Variants in EZR observed in about 807,000 individuals in gnomAD.
EZR encodes the protein ezrin.
In EZR, 40 loss-of-function variants were observed where a neutral mutation model predicts 74.8. The ratio of observed to expected loss-of-function variants is 0.53; its 90% CI spans 0.42 to 0.70. The LOEUF (loss-of-function observed/expected upper bound fraction) is 0.70, where lower values mean the gene tolerates loss of function less well. Ranked by LOEUF, EZR falls within the 30% of genes least tolerant of loss-of-function variation. EZR has a pLI of 0.00. For synonymous variants in EZR, 341 were observed against 283.3 expected, an observed-to-expected ratio of 1.20 and a Z score of -2.05; for missense variants, 678 against 755.8, an observed-to-expected ratio of 0.90 and a Z score of 1.21.
At chr6:158,774,360 G>A (rs900999229) in intron 8 of EZR, among the ~76,000 whole-genome samples, 27 of 152,062 alleles carry the variant, frequency 1.8e-4, no homozygotes, top group East Asian at 3.9e-4. Flanking sequence ...CTTCTGATCC[G>A]GCTTAGTTTT....
At chr6:158,812,944 C>T (rs1171508378) in intron 2 of EZR, among the ~76,000 whole-genome samples, 3 of 152,198 alleles carry the variant, frequency 2.0e-5, no homozygotes, top group Non-Finnish European at 4.4e-5. Flanking sequence ...CCACCTTGGT[C>T]CAAGCTATGA....
intron 8 of EZR, among the ~76,000 whole-genome samples, chr6:158,771,826 A>G (rs1224149898): frequency 6.6e-6 from 1 of 152,120 alleles, no homozygotes; most frequent in Non-Finnish European, 1.5e-5. Context: ...ACCTTTCATG[A>G]TGTCCTCTCC....
At chr6:158,818,325 G>C (rs2128578841) in intron 1 of EZR, 159 bp from the exon 2 acceptor site, 1 of 269,304 alleles carries the variant, frequency 3.7e-6, no homozygotes, top group African/African-American at 2.3e-5. Context: ...ATGGGGAGGG[G>C]GCACGGGCGG....
chr6:158,767,880 G>A (rs1200301319), intron 12 of EZR, among the ~76,000 whole-genome samples: 4 of 152,124 alleles, frequency 2.6e-5, no homozygotes, highest in Non-Finnish European at 5.9e-5. Flanking sequence ...CTCGCCACTT[G>A]CAGTCCTTCC....
chr6:158,770,815 ACTC>A lies in EZR; in HGVS notation c.1036_1038del (p.Glu346del), dbSNP rs775192844. 1 of 1,612,876 alleles carries A rather than the reference ACTC, an allele frequency of 6.2e-7. No homozygotes were observed. Among genetic ancestry groups the A allele is most frequent in the Non-Finnish European group, 8.5e-7 (1 of 1,179,658 alleles). On this transcript the variant is annotated inframe_deletion, in exon 10 of 14. Transcript: ENST00000367075. ...TCATAGTCCTGCAGCCGCAGCATCAACTCCTCCTTCTCGCGCATCATCTGCTCT... is the reference window on the plus strand; with the variant it reads ...TCATAGTCCTGCAGCCGCAGCATCAACTCCTTCTCGCGCATCATCTGCTCT...
chr6:158,774,366 G>A (rs1791205820), intron 8 of EZR, among the ~76,000 whole-genome samples: 1 of 152,126 alleles, frequency 6.6e-6, no homozygotes. Context: ...ATCCGGCTTA[G>A]TTTTTAATCA....
intron 2 of EZR, among the ~76,000 whole-genome samples, chr6:158,797,636 G>A (rs1346082437): frequency 6.6e-6 from 1 of 152,204 alleles, no homozygotes; most frequent in Non-Finnish European, 1.5e-5. Flanking sequence ...ACTTAGAAAT[G>A]CTCTGATAGA....
At chr6:158,803,286 C>T (rs1777227791) in intron 2 of EZR, among the ~76,000 whole-genome samples, 2 of 151,310 alleles carry the variant, frequency 1.3e-5, no homozygotes, top group South Asian at 4.2e-4. Context: ...TGAAGTATAA[C>T]TGGTAGAGTG....
chr6:158,818,196 C>T (rs963935935), intron 1 of EZR, 30 bp from the exon 2 acceptor site: 27 of 1,298,276 alleles, frequency 2.1e-5, no homozygotes, highest in Non-Finnish European at 2.7e-5. Flanking sequence ...CTTAGAGCGC[C>T]CGCCCGCCCT....
At chr6:158,818,237 G>C in intron 1 of EZR, 71 bp from the exon 2 acceptor site, 1 of 790,912 alleles carries the variant, frequency 1.3e-6, no homozygotes, top group South Asian at 2.0e-5. Context: ...CCGACACTCG[G>C]CGCCCGCAGC....
chr6:158,814,894 G>A (rs1359494255), intron 2 of EZR, among the ~76,000 whole-genome samples: 1 of 152,106 alleles, frequency 6.6e-6, no homozygotes, highest in Non-Finnish European at 1.5e-5. Flanking sequence ...AGAAAACACA[G>A]GAAATGAGTA....
chr6:158,818,462 C>G, intron 1 of EZR, among the ~76,000 whole-genome samples: 1 of 149,952 alleles, frequency 6.7e-6, no homozygotes, highest in East Asian at 2.0e-4. Context: ...GGGTGCGCAC[C>G]CAGGGGACCC....
chr6:158,818,639 G>T (rs1036897640), intron 1 of EZR, among the ~76,000 whole-genome samples: 1 of 150,196 alleles, frequency 6.7e-6, no homozygotes, highest in African/African-American at 2.5e-5. Flanking sequence ...GGGGACACTC[G>T]AGGTGCACCC....
intron 2 of EZR, among the ~76,000 whole-genome samples, chr6:158,793,478 C>G (rs1344409265): frequency 6.6e-6 from 1 of 152,078 alleles, no homozygotes; most frequent in Non-Finnish European, 1.5e-5. Context: ...AGAAGATACT[C>G]AAAATCTAAA....
At chr6:158,784,018 T>A (rs192935404) in intron 6 of EZR, among the ~76,000 whole-genome samples, 2 of 152,236 alleles carry the variant, frequency 1.3e-5, no homozygotes, top group Non-Finnish European at 2.9e-5. Flanking sequence ...ACCCTCCTCA[T>A]AGGCTTTGAG....
intron 12 of EZR, among the ~76,000 whole-genome samples, chr6:158,767,841 T>G (rs551970504): frequency 6.6e-6 from 1 of 152,148 alleles, no homozygotes. Context: ...CCTCCCTTCA[T>G]GCCACAGTCA....
chr6:158,778,810 C>T (rs1398452579), intron 7 of EZR, among the ~76,000 whole-genome samples: 1 of 152,230 alleles, frequency 6.6e-6, no homozygotes, highest in African/African-American at 2.4e-5. Context: ...AAGATACATA[C>T]TCATAGATCA....
chr6:158,770,370 G>C (rs1210442519), intron 10 of EZR, among the ~76,000 whole-genome samples: 3 of 152,270 alleles, frequency 2.0e-5, no homozygotes, highest in Non-Finnish European at 4.4e-5. Context: ...AGCTGTGCTG[G>C]GAAGTCTGGC....
intron 8 of EZR, 120 bp downstream of exon 8, chr6:158,776,288 G>GT: frequency 1.2e-6 from 1 of 823,688 alleles, no homozygotes; most frequent in South Asian, 1.5e-5. Flanking sequence ...GGCCCTCAAT[G>GT]TAACCTCATG....
Sources: allele counts gnomAD v4.1 joint callset (sites outside exome capture counted in the v4.1 genomes callset), GRCh38; gene constraint gnomAD v4.1.1; transcripts MANE v1.5; gene names NCBI Gene and HGNC (gene_info 2026-07-23, HGNC 2026-07-21).